The following ZNF584 variants were observed in gnomAD, a reference collection of about 807,000 sequenced individuals.
ZNF584 encodes the protein zinc finger protein 584.
Under a neutral mutation model 14.7 loss-of-function variants are expected in ZNF584, and 12 were observed. The observed-to-expected ratio is 0.82, with a 90% CI of 0.52 to 1.32. The LOEUF is 1.32. Among genes scored for constraint, ZNF584 ranks in the 40% most tolerant of loss-of-function variants. The pLI is 0.00. For synonymous variants in ZNF584, 204 were observed against 190.9 expected (o/e 1.07, Z -0.57); for missense variants, 478 against 518.8 (o/e 0.92, Z 0.76).
In ZNF584 at chr19:58,416,920, T is replaced by G; in HGVS notation, c.402T>G (p.Thr134=). 1.2e-6 allele frequency: 2 copies of G among 1,613,136 alleles called. No homozygotes were observed. The highest frequency in any genetic ancestry group is 1.7e-6 in the Non-Finnish European group (2 of 1,179,438). Residue 134 remains threonine (T), a synonymous_variant, in exon 4 of 4, where the codon ACT becomes ACG. Transcript: ENST00000306910. Reference sequence around the variant, plus strand: ...GTGAGGGGAAACCAAGAAGGCACACTGAGCATGGGGCAGCTTTCCCACCTG... The same window carrying G: ...GTGAGGGGAAACCAAGAAGGCACACGGAGCATGGGGCAGCTTTCCCACCTG... ...THSEGKPRRH[T]EHGAAFPPGS...
chr19:58,411,211 T>C (rs1405563268), intron 2 of ZNF584, among the ~76,000 whole-genome samples: 3 of 152,116 alleles, frequency 2.0e-5, no homozygotes, highest in Non-Finnish European at 2.9e-5. Context: ...CTTCTCTTTC[T>C]AGTTCATTTA....
chr19:58,413,414 C>T lies in ZNF584; in HGVS notation c.170-2110C>T, dbSNP rs574454027. On this transcript the variant is annotated intron_variant, in intron 2 of 3. Transcript: ENST00000306910. Reference sequence around the variant, plus strand: ...ACGCTGGAATGCAATGGTGCGATCTCGGCTCAATGCAATCTCCACCTCCTG... The same window carrying T: ...ACGCTGGAATGCAATGGTGCGATCTTGGCTCAATGCAATCTCCACCTCCTG... 4.6e-5 allele frequency among the ~76,000 whole-genome samples: 7 copies of T among 151,774 alleles called. No homozygotes were observed. In the South Asian group the frequency reaches 8.3e-4, roughly 18 times the overall value.
Position 58,416,823 on chromosome 19 carries a change from G to C in ZNF584, c.305G>C (p.Arg102Thr). The C allele has an allele frequency of 2.6e-6, 4 of 1,551,576 alleles. No individual in the cohort carries two copies. Among genetic ancestry groups the C allele is most frequent in the Non-Finnish European group, 3.5e-6 (4 of 1,151,298 alleles). The change falls in exon 4 of 4, where the codon AGA becomes ACA. Residue 102 changes from arginine to threonine, a missense_variant. Around this residue, in one of 3 missense-constraint regions of ZNF584, gnomAD observed 189 missense variants for 177.9 expected, o/e 1.06. Transcript: ENST00000306910. ...TCTCTGCTTTCAGATGGTTTGTGTA[G>C]AGTGGAGGATGAGAGAGCCCATCCT... ...RRGFGLDGLC[R>T]VEDERAHPEH... is the part of the protein sequence containing the mutation.
chr19:58,417,739 A>G lies in ZNF584; in HGVS notation c.1221A>G (p.Glu407=). Residue 407 remains glutamate, a synonymous_variant, in exon 4 of 4, where the codon GAA becomes GAG. Transcript: ENST00000306910. ...AGCACAAGAAAGTCCATACTCCAGA[A>G]AGGCGTCAGGAGGACAGGGCACATG... ...LLQHKKVHTP[E]RRQEDRAHGK... 3 of 1,613,816 alleles carry G rather than the reference A, an allele frequency of 1.9e-6. No homozygotes were observed. The highest frequency in any genetic ancestry group is 2.5e-6 in the Non-Finnish European group (3 of 1,179,760).
rs757611773 is a variant in ZNF584, at chr19:58,409,194, G to A, written c.18+29G>A. ...AGCAGAGGATGCCTCCGAGGAATGA[G>A]GGGGCCCACCAGGTGGGGGGCGGCG... On this transcript the variant is annotated intron_variant, in intron 1 of 3. Transcript: ENST00000306910. 3.5e-6 allele frequency: 5 copies of A among 1,410,516 alleles called. No individual in the cohort carries two copies. The Admixed American group carries it at 1.5e-4, about 43-fold the overall frequency. 87.4% of individuals were successfully genotyped at this position (1,410,516 alleles called of 1,614,324 possible). A position where few individuals can be genotyped will look rare whatever the true frequency, so the allele number is the denominator to read the frequency against.
intron 2 of ZNF584, among the ~76,000 whole-genome samples, chr19:58,413,078 G>A (rs1405455019): frequency 1.3e-5 from 2 of 151,826 alleles, no homozygotes; most frequent in Non-Finnish European, 2.9e-5. Context: ...CAATTTTGTT[G>A]ATTTTTTCAA....
At chr19:58,403,975 AAG>A (rs2052447246), upstream of ZNF584, among the ~76,000 whole-genome samples, 1 of 151,606 alleles carries the variant, frequency 6.6e-6, no homozygotes, top group African/African-American at 2.4e-5. Context: ...AAAAAAAAAA[AAG>A]AAGAAACTAA....
Position 58,417,295 on chromosome 19 carries a change from A to G in ZNF584, c.777A>G (p.Leu259=), listed in dbSNP as rs1206377996. The G allele has an allele frequency of 1.2e-5, 19 of 1,614,102 alleles. No homozygotes were observed. Among genetic ancestry groups the G allele is most frequent in the Non-Finnish European group, 1.6e-5 (19 of 1,180,048 alleles). The change falls in exon 4 of 4, where the codon CTA becomes CTG. Residue 259 remains leucine, a synonymous_variant. Transcript: ENST00000306910. ...KTFNRKDALV[L]HQRIHTGERP... ...TCAACCGCAAAGACGCACTTGTTCT[A>G]CACCAGAGGATTCACACTGGAGAAA...
intron 2 of ZNF584, among the ~76,000 whole-genome samples, chr19:58,410,982 G>C (rs1271940567): frequency 6.6e-6 from 1 of 150,492 alleles, no homozygotes; most frequent in Non-Finnish European, 1.5e-5. Flanking sequence ...AGTAGAGACA[G>C]GGTTTCACTT....
intron 1 of ZNF584, among the ~76,000 whole-genome samples, chr19:58,401,901 A>AAAAAAAATTTTTTTTTTTTTTTAGCCGG (rs2052433560): frequency 6.9e-6 from 1 of 144,144 alleles, no homozygotes. Context: ...AAAAAAAAAA[A>AAAAAAAATTTTTTTTTTTTTTTAGCCGG]AAAGATTTTT....
Position 58,417,548 on chromosome 19 carries a change from C to T in ZNF584, c.1030C>T (p.His344Tyr), listed in dbSNP as rs1599955976. ...GYVTRSGLYQ[H>Y]WKVHTGERPY... ...CGTGACCCGTTCAGGCCTCTATCAG[C>T]ACTGGAAAGTCCACACTGGGGAACG... is the stretch of plus-strand genomic sequence containing the variant. Residue 344 changes from histidine (H) to tyrosine (Y), a missense_variant, in exon 4 of 4, where the codon CAC becomes TAC. By Grantham distance (83) the His-to-Tyr change is moderately conservative (BLOSUM62 2). This residue lies in a region of ZNF584 where 283 missense variants were observed against 317.3 expected (regional missense o/e 0.89). Transcript: ENST00000306910. 6.2e-7 allele frequency: 1 copy of T among 1,614,200 alleles called. No individual in the cohort carries two copies. The highest frequency in any genetic ancestry group is 8.5e-7 in the Non-Finnish European group (1 of 1,180,036).
In ZNF584 at chr19:58,417,697, T is replaced by G; in HGVS notation, c.1179T>G (p.His393Gln). The change falls in exon 4 of 4, where the codon CAT becomes CAG. Residue 393 changes from histidine (H) to glutamine (Q), a missense_variant. Physicochemically the swap from His to Gln is conservative, Grantham distance 24. Around this residue, in one of 3 missense-constraint regions of ZNF584, gnomAD observed 283 missense variants for 317.3 expected, o/e 0.89. Transcript: ENST00000306910. Reference protein sequence around the residue: ...ECTECGKAFKHSSTLLQHKKV... With the variant: ...ECTECGKAFKQSSTLLQHKKV... Reference sequence around the variant, plus strand: ...CAGAGTGTGGGAAGGCCTTCAAACATAGTTCCACCCTCCTTCAGCACAAGA... The same window carrying G: ...CAGAGTGTGGGAAGGCCTTCAAACAGAGTTCCACCCTCCTTCAGCACAAGA... 6.2e-7 allele frequency: 1 copy of G among 1,614,138 alleles called. No individual in the cohort carries two copies. The highest frequency in any genetic ancestry group is 8.5e-7 in the Non-Finnish European group (1 of 1,180,028).
intron 1 of ZNF584, 132 bp downstream of exon 1, chr19:58,409,297 C>A: frequency 9.0e-7 from 1 of 1,112,922 alleles, no homozygotes; most frequent in Non-Finnish European, 1.2e-6. Context: ...ACGGCTGGGG[C>A]ATGCCCTTGG....
intron 2 of ZNF584, among the ~76,000 whole-genome samples, chr19:58,414,673 G>A (rs912491979): frequency 6.6e-6 from 1 of 152,024 alleles, no homozygotes; most frequent in Admixed American, 6.6e-5. Flanking sequence ...CAAATGGTAT[G>A]TTCTGAAGAC....
In ZNF584 at chr19:58,410,649, ATATATGTGTATATATG is replaced by A. The variant is rs2052549847; in HGVS notation, c.169+564_169+579del. ...TGTATATATGTGTATATATATGTGT[ATATATGTGTATATATG>A]TATATATGTGTATATATATGTATAT... On this transcript the variant is annotated intron_variant, in intron 2 of 3. Coordinates refer to ENST00000306910, the MANE Select transcript of ZNF584 (RefSeq NM_173548.3). 1.2e-4 allele frequency among the ~76,000 whole-genome samples: 3 copies of A among 24,880 alleles called. 1 individual carries two copies. Among genetic ancestry groups the A allele is most frequent in the African/African-American group, 1.2e-3 (3 of 2,492 alleles). 16.3% of individuals were successfully genotyped at this position (24,880 alleles called of 152,430 possible). A position where few individuals can be genotyped will look rare whatever the true frequency, so the allele number is the denominator to read the frequency against.
Position 58,417,613 on chromosome 19 carries a change from C to G in ZNF584, c.1095C>G (p.Thr365=), listed in dbSNP as rs2052662750. ...GCCTGTGTGGGAAAACCTTCACTAC[C>G]AGATCCTACCGCAATCGGCACCAGC... is the stretch of plus-strand genomic sequence containing the variant. The part of the protein sequence containing the change: ...ECSLCGKTFT[T]RSYRNRHQQF... Residue 365 remains threonine (T), a synonymous_variant, in exon 4 of 4, where the codon ACC becomes ACG. Transcript: ENST00000306910. 1.9e-6 allele frequency: 3 copies of G among 1,614,146 alleles called. No homozygotes were observed. The highest frequency in any genetic ancestry group is 1.6e-4 in the Middle Eastern group (1 of 6,062).
chr19:58,408,529 G>A, upstream of ZNF584: 1 of 152,568 alleles, frequency 6.6e-6, no homozygotes, highest in Non-Finnish European at 1.5e-5. Flanking sequence ...CGCAGGGCCC[G>A]CCCGAACGTT....
Position 58,415,567 on chromosome 19 carries a change from T to C in ZNF584, c.213T>C (p.Asp71=), listed in dbSNP as rs1206340470. Reference sequence around the variant, plus strand: ...CCCCTGTGTTTACCCAGCTGGAGGATGATGAACAGTCGTGGGTGCCCAGCT... The same window carrying C: ...CCCCTGTGTTTACCCAGCTGGAGGACGATGAACAGTCGTGGGTGCCCAGCT... The part of the protein sequence containing the change: ...SRSPVFTQLE[D]DEQSWVPSWV... The change falls in exon 3 of 4, where the codon GAT becomes GAC. Residue 71 remains aspartate (D), a synonymous_variant. Coordinates refer to ENST00000306910, the MANE Select transcript of ZNF584 (RefSeq NM_173548.3). 4.3e-6 allele frequency: 7 copies of C among 1,613,880 alleles called. No individual in the cohort carries two copies. The highest frequency in any genetic ancestry group is 5.9e-6 in the Non-Finnish European group (7 of 1,179,926).
At position 58,417,057 on chromosome 19, in the gene ZNF584, C is replaced by T. The variant is rs531074344; in HGVS notation, c.539C>T (p.Thr180Met). 11 of 1,612,952 alleles carry T rather than the reference C, an allele frequency of 6.8e-6. No individual in the cohort carries two copies. Among genetic ancestry groups the T allele is most frequent in the East Asian group, 4.5e-5 (2 of 44,866 alleles). Residue 180 changes from threonine to methionine, a missense_variant, in exon 4 of 4, where the codon ACG becomes ATG. By Grantham distance (81) the Thr-to-Met change is moderately conservative. Coordinates refer to ENST00000306910, the MANE Select transcript of ZNF584 (RefSeq NM_173548.3). ...TTTGCCCTCCTTGACCATCTGATAA[C>T]GCATTCTGAAGAGAGACCCTTCAGA... ...KAFALLDHLI[T>M]HSEERPFRCP...
Sources: allele counts gnomAD v4.1 joint callset (sites outside exome capture counted in the v4.1 genomes callset), GRCh38; gene constraint gnomAD v4.1.1; regional missense constraint gnomAD v4.1.1; transcripts MANE v1.5; gene names NCBI Gene and HGNC (gene_info 2026-07-23, HGNC 2026-07-21).